The following RIMKLB variants were observed in gnomAD, a reference collection of about 807,000 sequenced individuals.
The protein encoded by RIMKLB is ribosomal modification protein rimK like family member B.
RIMKLB carries 7 observed loss-of-function variants against 32.0 expected under a neutral mutation model. The observed-to-expected ratio is 0.22, with a 90% confidence interval of 0.12 to 0.41. The LOEUF (loss-of-function observed/expected upper bound fraction) is 0.41. Among genes scored for constraint, RIMKLB ranks in the 10% least tolerant of loss-of-function variants. The pLI, the probability that RIMKLB is intolerant of heterozygous loss-of-function variation, is 1.00. For synonymous variants in RIMKLB, 172 were observed against 185.1 expected, an observed-to-expected ratio of 0.93 and a Z score of 0.57; for missense variants, 289 against 498.7, an observed-to-expected ratio of 0.58 and a Z score of 4.00.
intron 5 of RIMKLB, among the ~76,000 whole-genome samples, chr12:8,756,286 A>G (rs754857499): frequency 6.6e-6 from 1 of 152,158 alleles, no homozygotes; most frequent in African/African-American, 2.4e-5. Context: ...GTACCACTGC[A>G]CTCCAGCCTG....
chr12:8,684,169 C>T (rs748382390), intron 1 of RIMKLB, among the ~76,000 whole-genome samples: 5 of 150,988 alleles, frequency 3.3e-5, no homozygotes, highest in Non-Finnish European at 7.4e-5. Context: ...TGAAGGTCAT[C>T]TAAATTTTCT....
chr12:8,672,615 G>T, the RIMKLB span, among the ~76,000 whole-genome samples: 3 of 151,322 alleles, frequency 2.0e-5, no homozygotes, highest in Non-Finnish European at 4.4e-5. Context: ...ACCCCCCCAT[G>T]ATACAATTAC....
intron 4 of RIMKLB, among the ~76,000 whole-genome samples, chr12:8,752,664 G>T (rs1258202528): frequency 6.6e-6 from 1 of 152,160 alleles, no homozygotes; most frequent in Non-Finnish European, 1.5e-5. Context: ...CACTTTACAA[G>T]ATGGCATATG....
intron 2 of RIMKLB, among the ~76,000 whole-genome samples, chr12:8,725,680 C>T (rs1382319469): frequency 2.0e-5 from 3 of 152,190 alleles, no homozygotes; most frequent in East Asian, 1.9e-4. Flanking sequence ...AGGGCTTTAG[C>T]GCCATATGAA....
At chr12:8,726,258 G>GGCCA (rs1945994176) in intron 2 of RIMKLB, among the ~76,000 whole-genome samples, 1 of 152,310 alleles carries the variant, frequency 6.6e-6, no homozygotes, top group East Asian at 1.9e-4. Flanking sequence ...AAGATGTAGT[G>GGCCA]GTATCTCTCA....
In RIMKLB at chr12:8,724,229, G is replaced by A. The variant is rs183673349; in HGVS notation, c.175+10188G>A. 5.7e-3 allele frequency among the ~76,000 whole-genome samples: 870 copies of A among 152,086 alleles called. 11 individuals are homozygous for A. The highest frequency in any genetic ancestry group is 8.0e-3 in the Non-Finnish European group (541 of 67,964). ...GGGAAGATTTTCAATTCTGTCATTTGTTTTCTCTAGCTGTAAAATTCGTTT... is the reference window on the plus strand; with the variant it reads ...GGGAAGATTTTCAATTCTGTCATTTATTTTCTCTAGCTGTAAAATTCGTTT... On this transcript the variant is annotated intron_variant, in intron 2 of 5. Coordinates refer to ENST00000535829, the MANE Select transcript of RIMKLB (RefSeq NM_001297776.2).
upstream of RIMKLB, among the ~76,000 whole-genome samples, chr12:8,693,552 A>G (rs964336785): frequency 4.7e-4 from 71 of 151,844 alleles, no homozygotes; most frequent in Admixed American, 7.2e-4. Context: ...GCCCACCACC[A>G]CGCCCAGCTA....
chr12:8,718,669 ATGTGTGTGTGTGTG>A (rs1182850325), intron 2 of RIMKLB, among the ~76,000 whole-genome samples: 8 of 116,128 alleles, frequency 6.9e-5, no homozygotes, highest in East Asian at 2.4e-4. Flanking sequence ...ATATATATAT[ATGTGTGTGTGTGTG>A]TGTGTGTGTG....
In RIMKLB at chr12:8,775,222, GGTGGGTTGGAT is replaced by G; in HGVS notation, c.*1441_*1451del. 1.0e-6 allele frequency: 1 copy of G among 985,624 alleles called. No individual in the cohort carries two copies. The highest frequency in any genetic ancestry group is 1.2e-6 in the Non-Finnish European group (1 of 829,832). The allele number at this position is 985,624 out of a possible 1,614,324, so 61.1% of individuals were successfully genotyped here. A position where few individuals can be genotyped will look rare whatever the true frequency, so the allele number is the denominator to read the frequency against. On this transcript the variant is annotated 3_prime_UTR_variant, in exon 6 of 6. Transcript: ENST00000535829. Reference sequence around the variant, plus strand: ...TTTACATATAGGATTTGGGATTGGGGGTGGGTTGGATGTTTTTGTTTGGGGACTTATTTAGT... The same window carrying G: ...TTTACATATAGGATTTGGGATTGGGGGTTTTTGTTTGGGGACTTATTTAGT...
chr12:8,748,971 G>A (rs1948393349), intron 2 of RIMKLB, among the ~76,000 whole-genome samples: 1 of 151,978 alleles, frequency 6.6e-6, no homozygotes, highest in Admixed American at 6.6e-5. Flanking sequence ...TACCTTGTTT[G>A]TGTATTATTT....
chr12:8,702,545 G>A (rs1451721017), intron 1 of RIMKLB, among the ~76,000 whole-genome samples: 1 of 151,920 alleles, frequency 6.6e-6, no homozygotes, highest in Admixed American at 6.6e-5. Flanking sequence ...TATAAATTTA[G>A]AAATAAGGTC....
At chr12:8,702,673 G>C (rs1185518540) in intron 1 of RIMKLB, among the ~76,000 whole-genome samples, 1 of 152,192 alleles carries the variant, frequency 6.6e-6, no homozygotes, top group Non-Finnish European at 1.5e-5. Context: ...ATTTTGAAAA[G>C]TCAGGCAGGG....
intron 5 of RIMKLB, among the ~76,000 whole-genome samples, chr12:8,765,565 G>T (rs1949890189): frequency 6.6e-6 from 1 of 152,144 alleles, no homozygotes; most frequent in South Asian, 2.1e-4. Context: ...AGCCATCAGG[G>T]TTATCTGATA....
chr12:8,774,476 C>T lies in RIMKLB; in HGVS notation c.*692C>T. On this transcript the variant is annotated 3_prime_UTR_variant, in exon 6 of 6. Transcript: ENST00000535829. ...TCCGGTATACAAAATAACATTAATT[C>T]AATGTAGATAAAATTACACTAGTTT... 2.0e-6 allele frequency: 2 copies of T among 983,088 alleles called. No individual in the cohort carries two copies. Among genetic ancestry groups the T allele is most frequent in the Non-Finnish European group, 2.4e-6 (2 of 827,846 alleles). The allele number at this position is 983,088 out of a possible 1,614,324, so 60.9% of individuals were successfully genotyped here. A position where few individuals can be genotyped will look rare whatever the true frequency, so the allele number is the denominator to read the frequency against.
Position 8,775,902 on chromosome 12 carries a change from A to G in RIMKLB, c.*2118A>G. 1 of 985,174 alleles carries G rather than the reference A, an allele frequency of 1.0e-6. No homozygotes were observed. The highest frequency in any genetic ancestry group is 1.2e-6 in the Non-Finnish European group (1 of 829,722). 61.0% of individuals were successfully genotyped at this position (985,174 alleles called of 1,614,324 possible). On this transcript the variant is annotated 3_prime_UTR_variant, in exon 6 of 6. Transcript: ENST00000535829. ...GGGGGACTCACATACATATATTAAT[A>G]CCTCTGACTCATTAACAGAAAGAAA...
At chr12:8,700,392 C>T (rs1943283680) in intron 1 of RIMKLB, 1 of 152,272 alleles carries the variant, frequency 6.6e-6, no homozygotes, top group South Asian at 2.1e-4. Flanking sequence ...GCTCCCCTCT[C>T]TATGAGCTGA....
intron 2 of RIMKLB, among the ~76,000 whole-genome samples, chr12:8,718,663 ATATATATGTGTGTGTG>A (rs1414479679): frequency 5.8e-4 from 67 of 116,136 alleles, no homozygotes; most frequent in African/African-American, 1.9e-3. Context: ...CTATATATAT[ATATATATGTGTGTGTG>A]TGTGTGTGTG....
chr12:8,755,756 C>G (rs143106821), intron 5 of RIMKLB, among the ~76,000 whole-genome samples: 288 of 152,300 alleles, frequency 1.9e-3, no homozygotes, highest in African/African-American at 6.6e-3. Flanking sequence ...CACTGGTAAT[C>G]CCAACACTTG....
At chr12:8,723,472 A>G (rs778696271) in intron 2 of RIMKLB, among the ~76,000 whole-genome samples, 1 of 152,382 alleles carries the variant, frequency 6.6e-6, no homozygotes, top group South Asian at 2.1e-4. Flanking sequence ...ATGTGACACA[A>G]AGACACAAAG....
Sources: gnomAD v4.1 joint callset for allele counts (sites outside exome capture counted in the v4.1 genomes callset) on GRCh38, gnomAD v4.1.1 for gene constraint, MANE v1.5 for transcripts, NCBI Gene and HGNC (gene_info 2026-07-23, HGNC 2026-07-21) for gene names.